TRPM6: variants seen among roughly 807,000 people sequenced by gnomAD.
TRPM6 encodes the protein transient receptor potential cation channel subfamily M member 6.
In TRPM6, 111 loss-of-function variants were observed where a neutral mutation model predicts 247.6. That is an observed-to-expected ratio of 0.45 (90% CI 0.38 to 0.52). The LOEUF is 0.52. Ranked by LOEUF, TRPM6 falls within the 20% of genes least tolerant of loss-of-function variation. The pLI is 0.00. For missense variants in TRPM6, 2,126 were observed against 2,421.5 expected (o/e 0.88, Z 2.56); for synonymous variants, 892 against 853.8 (o/e 1.04, Z -0.78).
intron 1 of TRPM6, among the ~76,000 whole-genome samples, chr9:74,882,589 T>C (rs1332779334): frequency 2.0e-5 from 3 of 152,150 alleles, no homozygotes; most frequent in African/African-American, 7.2e-5. Flanking sequence ...AAAATGGTTA[T>C]CATAAAGAAG....
chr9:74,833,826 G>A (rs1829622823), intron 6 of TRPM6, among the ~76,000 whole-genome samples, 172 bp downstream of exon 6: 1 of 152,190 alleles, frequency 6.6e-6, no homozygotes, highest in African/African-American at 2.4e-5. Context: ...CAACTGCAAG[G>A]GTGGGACTGT....
intron 3 of TRPM6, among the ~76,000 whole-genome samples, chr9:74,852,421 CCTCTCCCGCT>C: frequency 1.4e-5 from 2 of 144,284 alleles, no homozygotes; most frequent in South Asian, 4.4e-4. Flanking sequence ...GCTCCCGCTC[CCTCTCCCGCT>C]CCCTCTCCCG....
intron 25 of TRPM6, among the ~76,000 whole-genome samples, chr9:74,767,168 G>C (rs538744196): frequency 6.6e-6 from 1 of 152,264 alleles, no homozygotes; most frequent in South Asian, 2.1e-4. Context: ...AAATAGTGGT[G>C]GGACCTGCTT....
chr9:74,725,664 CT>C lies in TRPM6; in HGVS notation c.5936-919del, dbSNP rs567983969. The stretch of plus-strand genomic sequence containing the variant: ...GAGAGTTTCCCTACACAAGCTCTCT[CT>C]TTGCCTGCTGCCATCCAGGTAAGAC... On this transcript the variant is annotated intron_variant, in intron 38 of 38. Transcript: ENST00000360774. Among the ~76,000 whole-genome samples, 39 of 152,322 alleles carry C rather than the reference CT, an allele frequency of 2.6e-4. 2 individuals carry two copies. The highest frequency in any genetic ancestry group is 6.8e-3 in the Middle Eastern group (2 of 294).
In TRPM6 at chr9:74,827,856, T is replaced by A; in HGVS notation, c.763A>T (p.Thr255Ser). Residue 255 changes from threonine (T) to serine (S), a missense_variant, in exon 7 of 39, where the codon ACC (threonine) becomes TCC (serine). Thr to Ser is a moderately conservative substitution (Grantham distance 58). Around this residue, in one of 3 missense-constraint regions of TRPM6, gnomAD observed 1,082 missense variants for 1,307.9 expected, o/e 0.83. Coordinates refer to ENST00000360774, the MANE Select transcript of TRPM6 (RefSeq NM_017662.5). ...ATTTCATTTCCATACTTGCCCACGGTCCCATCATCAGACAGGATGAAGTGC... is the reference window on the plus strand; with the variant it reads ...ATTTCATTTCCATACTTGCCCACGGACCCATCATCAGACAGGATGAAGTGC... ...HSHFILSDDG[T>S]VGKYGNEMKL... 1 of 1,614,012 alleles carries A rather than the reference T, an allele frequency of 6.2e-7. No homozygotes were observed.
At chr9:74,753,375 A>G (rs978405519) in intron 28 of TRPM6, among the ~76,000 whole-genome samples, 3 of 152,146 alleles carry the variant, frequency 2.0e-5, no homozygotes, top group Non-Finnish European at 4.4e-5. Flanking sequence ...TGGAAAAAAA[A>G]AAGTATACAA....
intron 36 of TRPM6, among the ~76,000 whole-genome samples, chr9:74,733,087 G>A (rs1014646347): frequency 1.3e-5 from 2 of 151,898 alleles, no homozygotes; most frequent in East Asian, 1.9e-4. Context: ...TCAGCTACTC[G>A]GGAGGCTGAG....
intron 13 of TRPM6, among the ~76,000 whole-genome samples, chr9:74,810,080 A>G (rs747993545): frequency 6.6e-6 from 1 of 152,006 alleles, no homozygotes; most frequent in Non-Finnish European, 1.5e-5. Flanking sequence ...TTCTAACAAG[A>G]TATCAGACTT....
intron 3 of TRPM6, among the ~76,000 whole-genome samples, chr9:74,852,837 G>A (rs910178324): frequency 2.1e-3 from 327 of 152,188 alleles, no homozygotes; most frequent in African/African-American, 7.5e-3. Flanking sequence ...ATCTCGGCTC[G>A]CTACAACCTC....
rs759095453 is a variant in TRPM6, at chr9:74,775,959, G to A, written c.3327C>T (p.Ser1109=). ...GGCGGCGGAGGAGAAGGCCCACGTG[G>A]CTCAGCAGGATGAGAGGTGGGGGCA... ...PWLPPPLILL[S]HVGLLLRRLC... is the part of the protein sequence containing the mutation. Residue 1109 remains serine (S), a synonymous_variant, in exon 24 of 39, where the codon AGC becomes AGT. Coordinates refer to ENST00000360774, the MANE Select transcript of TRPM6 (RefSeq NM_017662.5). 6.2e-7 allele frequency: 1 copy of A among 1,614,190 alleles called. No individual in the cohort carries two copies. The highest frequency in any genetic ancestry group is 8.5e-7 in the Non-Finnish European group (1 of 1,180,040).
intron 5 of TRPM6, among the ~76,000 whole-genome samples, chr9:74,836,209 G>C (rs1482067214): frequency 6.6e-6 from 1 of 152,132 alleles, no homozygotes; most frequent in Non-Finnish European, 1.5e-5. Context: ...ATATACTATA[G>C]TTGGAATCAT....
intron 1 of TRPM6, among the ~76,000 whole-genome samples, chr9:74,877,344 C>G (rs1434768459): frequency 6.6e-6 from 1 of 152,128 alleles, no homozygotes; most frequent in Non-Finnish European, 1.5e-5. Flanking sequence ...GATTAATGGA[C>G]AAATAATATA....
intron 38 of TRPM6, among the ~76,000 whole-genome samples, chr9:74,727,586 G>A (rs1825374884): frequency 6.6e-6 from 1 of 152,056 alleles, no homozygotes; most frequent in Admixed American, 6.6e-5. Context: ...AAAGTAGTGG[G>A]CAAGCTGAGG....
intron 11 of TRPM6, among the ~76,000 whole-genome samples, chr9:74,815,477 A>T (rs1412996813): frequency 6.6e-6 from 1 of 152,174 alleles, no homozygotes; most frequent in Non-Finnish European, 1.5e-5. Context: ...CATGTATACC[A>T]TCAAAATGAA....
intron 32 of TRPM6, 130 bp downstream of exon 32, chr9:74,743,965 C>A (rs1249599130): frequency 1.1e-6 from 1 of 892,342 alleles, no homozygotes; most frequent in Non-Finnish European, 1.8e-6. Flanking sequence ...TTCTTCCCAT[C>A]AAAGTGAACA....
At chr9:74,772,265 G>C (rs1158913434) in intron 24 of TRPM6, among the ~76,000 whole-genome samples, 1 of 152,160 alleles carries the variant, frequency 6.6e-6, no homozygotes, top group East Asian at 1.9e-4. Flanking sequence ...GCTAAAAAGC[G>C]AGACCCTGTC....
Position 74,820,425 on chromosome 9 carries a change from A to G in TRPM6, c.1013T>C (p.Met338Thr). The G allele has an allele frequency of 6.2e-7, 1 of 1,614,130 alleles. No individual in the cohort carries two copies. The highest frequency in any genetic ancestry group is 1.7e-5 in the Admixed American group (1 of 60,020). ...FTHKHLADEG[M>T]LRPQVKEEII... ...CTCCTCTTTCACCTGAGGTCGCAGC[A>G]TCCTGGAAGAGAAATAAATGGTCTT... is the stretch of plus-strand genomic sequence containing the variant. The change falls in exon 9 of 39, where the codon ATG (methionine) becomes ACG (threonine). Residue 338 changes from methionine (M) to threonine (T), a missense_variant and splice_region_variant. By Grantham distance (81) the Met-to-Thr change is moderately conservative. Coordinates refer to ENST00000360774, the MANE Select transcript of TRPM6 (RefSeq NM_017662.5).
chr9:74,816,937 C>T lies in TRPM6; in HGVS notation c.1162G>A (p.Glu388Lys). ...CITIFDADSE[E>K]QQDLDLAILT... is the part of the protein sequence containing the mutation. ...ATTGCTAAGTCCAGGTCTTGCTGCT[C>T]TTCAGAGTCAGCATCAAATATGGTA... The change falls in exon 10 of 39, where the codon GAG becomes AAG. Residue 388 changes from glutamate to lysine, a missense_variant. This residue lies in a region of TRPM6 where 1,082 missense variants were observed against 1,307.9 expected (regional missense o/e 0.83). Transcript: ENST00000360774. 1 of 1,614,064 alleles carries T rather than the reference C, an allele frequency of 6.2e-7. No individual in the cohort carries two copies. Among genetic ancestry groups the T allele is most frequent in the Non-Finnish European group, 8.5e-7 (1 of 1,179,956 alleles).
intron 6 of TRPM6, among the ~76,000 whole-genome samples, chr9:74,830,129 TAAAAAAACAAAACAAAAC>T (rs1423001482): frequency 1.3e-5 from 2 of 151,988 alleles, no homozygotes; most frequent in East Asian, 3.9e-4. Context: ...AATTTTATCT[TAAAAAAACAAAACAAAAC>T]AAAAAAACTT....
Sources: allele counts gnomAD v4.1 joint callset (sites outside exome capture counted in the v4.1 genomes callset), GRCh38; gene constraint gnomAD v4.1.1; regional missense constraint gnomAD v4.1.1; transcripts MANE v1.5; gene names NCBI Gene and HGNC (gene_info 2026-07-23, HGNC 2026-07-21).